The following CTNNA3 variants were observed in gnomAD, a reference collection of about 807,000 sequenced individuals.
The protein encoded by CTNNA3 is catenin alpha 3.
A neutral mutation model predicts 95.7 loss-of-function variants in CTNNA3; 76 were observed. The ratio of observed to expected loss-of-function variants is 0.79; its 90% CI spans 0.66 to 0.96. The LOEUF is 0.96. CTNNA3 is among the 40% of genes least tolerant of loss of function. The pLI, the probability that CTNNA3 is intolerant of heterozygous loss-of-function variation, is 0.00. For missense variants in CTNNA3, 1,191 were observed against 1,089.8 expected (o/e 1.09, Z -1.31); for synonymous variants, 431 against 374.4 (o/e 1.15, Z -1.74).
chr10:66,522,414 G>A (rs1841097820), intron 10 of CTNNA3, among the ~76,000 whole-genome samples: 1 of 152,050 alleles, frequency 6.6e-6, no homozygotes, highest in Non-Finnish European at 1.5e-5. Flanking sequence ...TGTCATGGGA[G>A]GGACCTGGTG....
At chr10:66,833,578 G>A (rs959154804) in intron 7 of CTNNA3, among the ~76,000 whole-genome samples, 8 of 152,154 alleles carry the variant, frequency 5.3e-5, no homozygotes, top group Non-Finnish European at 4.4e-5. Context: ...TTTCAGAGAA[G>A]TTCATTGACT....
intron 13 of CTNNA3, among the ~76,000 whole-genome samples, chr10:66,276,729 A>T (rs2132147550): frequency 6.6e-6 from 1 of 152,214 alleles, no homozygotes; most frequent in Non-Finnish European, 1.5e-5. Context: ...ATTCGTCAAG[A>T]TATGCAAAAA....
chr10:66,046,560 T>G (rs577063982), intron 15 of CTNNA3, among the ~76,000 whole-genome samples: 1 of 151,582 alleles, frequency 6.6e-6, no homozygotes, highest in African/African-American at 2.4e-5. Context: ...CTGAAAAAAT[T>G]AGAGAAGCAA....
intron 7 of CTNNA3, among the ~76,000 whole-genome samples, chr10:66,870,674 G>T (rs1183789583): frequency 6.6e-6 from 1 of 152,084 alleles, no homozygotes; most frequent in Non-Finnish European, 1.5e-5. Context: ...TCTCTCCTCT[G>T]TTCATTGATT....
At chr10:66,885,058 T>C (rs1329022017) in intron 7 of CTNNA3, among the ~76,000 whole-genome samples, 1 of 152,122 alleles carries the variant, frequency 6.6e-6, no homozygotes, top group Non-Finnish European at 1.5e-5. Flanking sequence ...CCTGAAGCAA[T>C]AATGCATCAT....
intron 7 of CTNNA3, among the ~76,000 whole-genome samples, chr10:66,876,630 G>T (rs1324881551): frequency 1.3e-5 from 2 of 151,990 alleles, no homozygotes; most frequent in Admixed American, 6.6e-5. Flanking sequence ...ATTGAAATCT[G>T]GGCCTTATTA....
At chr10:67,338,922 A>AT (rs1842085768) in intron 5 of CTNNA3, among the ~76,000 whole-genome samples, 1 of 152,228 alleles carries the variant, frequency 6.6e-6, no homozygotes, top group Admixed American at 6.5e-5. Context: ...ACAGCATGAG[A>AT]TAAGAGTCAT....
intron 11 of CTNNA3, among the ~76,000 whole-genome samples, chr10:66,390,022 C>T (rs1042452452): frequency 6.6e-6 from 1 of 152,134 alleles, no homozygotes; most frequent in African/African-American, 2.4e-5. Flanking sequence ...TGGAGTGAGC[C>T]CCTGCACCTG....
chr10:66,667,066 A>G (rs1204329300), intron 9 of CTNNA3, among the ~76,000 whole-genome samples: 3 of 152,150 alleles, frequency 2.0e-5, no homozygotes, highest in African/African-American at 7.2e-5. Context: ...GTTTATAGTC[A>G]AGCACAATCC....
chr10:65,977,296 G>T (rs533617505), intron 16 of CTNNA3, among the ~76,000 whole-genome samples: 1 of 151,976 alleles, frequency 6.6e-6, no homozygotes, highest in South Asian at 2.1e-4. Flanking sequence ...CAGTTTTCAC[G>T]TTTCTACCAA....
chr10:66,857,184 T>C (rs1044756663), intron 7 of CTNNA3, among the ~76,000 whole-genome samples: 1 of 152,228 alleles, frequency 6.6e-6, no homozygotes, highest in African/African-American at 2.4e-5. Context: ...CTTGTTTTTG[T>C]TCATTTTGTC....
chr10:67,097,453 A>G, intron 7 of CTNNA3: 1 of 696,898 alleles, frequency 1.4e-6, no homozygotes. Context: ...GCGGGATAAT[A>G]TAGGGACACC....
rs1317716008 is a variant in CTNNA3 at position 66,459,777 on chromosome 10, A to T, written c.1531+60840T>A. Among the ~76,000 whole-genome samples, 8 of 152,310 alleles carry T rather than the reference A, an allele frequency of 5.3e-5. No homozygotes were observed. The East Asian group carries it at 1.3e-3, about 26-fold the overall frequency. On this transcript the variant is annotated intron_variant, in intron 11 of 17. Coordinates refer to ENST00000433211, the MANE Select transcript of CTNNA3 (RefSeq NM_013266.4). Reference sequence around the variant, plus strand: ...TTTATGCATTTAAACATATGAAAACATAGAAAAGGTACAGTAAAAATAAAG... The same window carrying T: ...TTTATGCATTTAAACATATGAAAACTTAGAAAAGGTACAGTAAAAATAAAG...
chr10:66,425,423 T>TC (rs56322424), intron 11 of CTNNA3, among the ~76,000 whole-genome samples: 57,819 of 151,492 alleles, frequency 0.38, 11,589 homozygotes, highest in African/African-American at 0.5. Context: ...TTTCTTGCTT[T>TC]TTTGATTTTC....
At chr10:66,282,846 G>T (rs539722476) in intron 12 of CTNNA3, among the ~76,000 whole-genome samples, 15 of 151,918 alleles carry the variant, frequency 9.9e-5, no homozygotes, top group Admixed American at 8.6e-4. Context: ...TATCCTAAGT[G>T]CATAGGTTGG....
intron 7 of CTNNA3, among the ~76,000 whole-genome samples, chr10:66,813,809 G>A (rs570607788): frequency 6.6e-6 from 1 of 150,928 alleles, no homozygotes; most frequent in South Asian, 2.1e-4. Flanking sequence ...TTGCCTTAGA[G>A]AAAGACTATT....
intron 5 of CTNNA3, among the ~76,000 whole-genome samples, chr10:67,305,660 G>A (rs1840524422): frequency 6.6e-6 from 1 of 152,034 alleles, no homozygotes; most frequent in African/African-American, 2.4e-5. Flanking sequence ...AGATAAGTTA[G>A]GATACCATTA....
rs1406555811 is a variant in CTNNA3 at position 66,927,079 on chromosome 10, A to T, written c.1048-151555T>A. 1 of 1,614,046 alleles carries T rather than the reference A, an allele frequency of 6.2e-7. No individual in the cohort carries two copies. Among genetic ancestry groups the T allele is most frequent in the African/African-American group, 1.3e-5 (1 of 74,932 alleles). On this transcript the variant is annotated intron_variant, in intron 7 of 17. Transcript: ENST00000433211. This position sits in a 1 kb window ranked among gnomAD's most constrained non-coding sequence, Gnocchi z 4.7. ...TTGTGAATCTCAGAAATTACAGGAG[A>T]TACCCTCAAGTATATCTGCTGGTTG... is the stretch of plus-strand genomic sequence containing the variant.
At chr10:66,350,874 G>C (rs1248468427) in intron 12 of CTNNA3, among the ~76,000 whole-genome samples, 3 of 151,930 alleles carry the variant, frequency 2.0e-5, no homozygotes, top group Non-Finnish European at 2.9e-5. Flanking sequence ...TCCACAGAAG[G>C]ACTCCTCCAG....
Sources: allele counts gnomAD v4.1 joint callset (sites outside exome capture counted in the v4.1 genomes callset), GRCh38; gene constraint gnomAD v4.1.1; non-coding constraint Gnocchi (gnomAD v3.1); transcripts MANE v1.5; gene names NCBI Gene and HGNC (gene_info 2026-07-23, HGNC 2026-07-21).